Variants in SYNE3 observed in about 807,000 individuals in gnomAD.
SYNE3 encodes spectrin repeat containing nuclear envelope family member 3.
In SYNE3, 100 loss-of-function variants were observed where a neutral mutation model predicts 111.2. The observed-to-expected ratio is 0.90, with a 90% CI of 0.77 to 1.06. The LOEUF (loss-of-function observed/expected upper bound fraction) is 1.06, where lower values mean the gene tolerates loss of function less well. Ranked by LOEUF, SYNE3 falls within the 50% of genes least tolerant of loss-of-function variation. SYNE3 has a pLI of 0.00. For synonymous variants in SYNE3, 547 were observed against 533.9 expected, an observed-to-expected ratio of 1.02 and a Z score of -0.34; for missense variants, 1,160 against 1,240.3, an observed-to-expected ratio of 0.94 and a Z score of 0.97.
In SYNE3 at chr14:95,439,550, T is replaced by C. The variant is rs538448346; in HGVS notation, c.2246+62A>G. 6.2e-5 allele frequency: 98 copies of C among 1,589,340 alleles called. No individual in the cohort carries two copies. The African/African-American group carries it at 9.9e-4, about 16-fold the overall frequency. On this transcript the variant is annotated intron_variant, in intron 13 of 17. Coordinates refer to ENST00000682763, the MANE Select transcript of SYNE3 (RefSeq NM_152592.6). ...GCCCTCTGCTCCACGAGCACCTGAG[T>C]GTCCCTGAGTGAGAAGGGGCAGTGT... is the stretch of plus-strand genomic sequence containing the variant.
In SYNE3 at chr14:95,444,612, T is replaced by G; in HGVS notation, c.1649A>C (p.His550Pro). ...KSKLQSLLAQ[H>P]KDFGAAFEPL... ...CTCAAAAGCTGCTCCAAAGTCTTTG[T>G]GCTGAGCGAGCAGGCTCTGCAGAGA... The change falls in exon 10 of 18, where the codon CAC (histidine) becomes CCC (proline). Residue 550 changes from histidine (H) to proline (P), a missense_variant. His to Pro is a moderately conservative substitution (Grantham distance 77, BLOSUM62 -2). Transcript: ENST00000682763. The G allele has an allele frequency of 3.1e-6, 5 of 1,604,010 alleles. No homozygotes were observed. The highest frequency in any genetic ancestry group is 4.3e-6 in the Non-Finnish European group (5 of 1,173,902).
At chr14:95,471,212 G>A (rs760697670) in intron 2 of SYNE3, among the ~76,000 whole-genome samples, 1 of 152,128 alleles carries the variant, frequency 6.6e-6, no homozygotes, top group Non-Finnish European at 1.5e-5. Context: ...AAAATCACAG[G>A]AGCCAACAAC....
At chr14:95,488,425 G>T (rs890503707) in intron 1 of SYNE3, among the ~76,000 whole-genome samples, 3 of 152,196 alleles carry the variant, frequency 2.0e-5, no homozygotes, top group African/African-American at 7.2e-5. Flanking sequence ...CGGATGGATA[G>T]TTTCCAACAA....
At chr14:95,481,774 T>TG (rs1595245086) in intron 1 of SYNE3, among the ~76,000 whole-genome samples, 1 of 152,246 alleles carries the variant, frequency 6.6e-6, no homozygotes, top group Non-Finnish European at 1.5e-5. Context: ...AATGTCCATC[T>TG]GGACACCAGC....
intron 2 of SYNE3, among the ~76,000 whole-genome samples, chr14:95,474,875 C>A (rs1324252917): frequency 6.6e-6 from 1 of 152,158 alleles, no homozygotes; most frequent in African/African-American, 2.4e-5. Flanking sequence ...CTAAGAGCAA[C>A]CATTGTTGGG....
intron 1 of SYNE3, chr14:95,516,154 C>T (rs917775081): frequency 1.3e-5 from 2 of 152,352 alleles, no homozygotes; most frequent in African/African-American, 4.8e-5. Context: ...CTCCCAGGCA[C>T]TACTGAGCGC....
At chr14:95,433,706 T>C (rs1049781142) in intron 15 of SYNE3, among the ~76,000 whole-genome samples, 9 of 152,210 alleles carry the variant, frequency 5.9e-5, no homozygotes, top group African/African-American at 2.2e-4. Flanking sequence ...TTGACTAGAG[T>C]TCGCATCATT....
chr14:95,457,504 C>G (rs572049919), intron 4 of SYNE3, among the ~76,000 whole-genome samples, 166 bp from the exon 5 acceptor site: 2 of 152,284 alleles, frequency 1.3e-5, no homozygotes, highest in Admixed American at 1.3e-4. Flanking sequence ...CTCTCAGATA[C>G]TCTGTTCTGC....
intron 11 of SYNE3, among the ~76,000 whole-genome samples, chr14:95,440,721 G>T (rs931235773): frequency 1.3e-5 from 2 of 152,208 alleles, no homozygotes; most frequent in African/African-American, 4.8e-5. Context: ...GATAACATCA[G>T]GCAAGCCCAA....
intron 3 of SYNE3, 90 bp from the exon 4 acceptor site, chr14:95,466,330 A>G: frequency 7.0e-7 from 1 of 1,429,012 alleles, no homozygotes; most frequent in Non-Finnish European, 9.3e-7. Context: ...CCCCAATACT[A>G]GGGGGCTGTG....
At chr14:95,419,042 T>A (rs1416617360) in intron 17 of SYNE3, among the ~76,000 whole-genome samples, 1 of 152,240 alleles carries the variant, frequency 6.6e-6, no homozygotes, top group African/African-American at 2.4e-5. Flanking sequence ...AAATGCCTAA[T>A]GGACTTCTCT....
At chr14:95,478,929 C>T (rs553929742) in intron 1 of SYNE3, among the ~76,000 whole-genome samples, 1 of 152,162 alleles carries the variant, frequency 6.6e-6, no homozygotes, top group African/African-American at 2.4e-5. Context: ...TAAGTGACCC[C>T]ACCGGCACAT....
At chr14:95,437,312 C>T (rs1308990072) in intron 14 of SYNE3, among the ~76,000 whole-genome samples, 1 of 152,222 alleles carries the variant, frequency 6.6e-6, no homozygotes, top group African/African-American at 2.4e-5. Flanking sequence ...ATGATGCAAG[C>T]CCATTCAGCT....
At chr14:95,462,918 G>A (rs45606936) in intron 4 of SYNE3, among the ~76,000 whole-genome samples, 32,877 of 152,120 alleles carry the variant, frequency 0.22, 4,635 homozygotes, top group Non-Finnish European at 0.31. Context: ...CCAGCACTTC[G>A]GGAGGCCAAG....
intron 11 of SYNE3, among the ~76,000 whole-genome samples, chr14:95,440,620 G>A (rs570399575): frequency 6.6e-6 from 1 of 152,356 alleles, no homozygotes; most frequent in East Asian, 1.9e-4. Flanking sequence ...ATAACCACAT[G>A]CAATACAGCA....
intron 1 of SYNE3, among the ~76,000 whole-genome samples, chr14:95,504,099 T>G (rs950701230): frequency 1.3e-5 from 2 of 152,114 alleles, no homozygotes; most frequent in East Asian, 3.8e-4. Flanking sequence ...TTGGAAAAAA[T>G]CAAAAGAATA....
In SYNE3 at chr14:95,411,444, T is replaced by G. The variant is rs1903433153; in HGVS notation, c.*6382A>C. On this transcript the variant is annotated 3_prime_UTR_variant, in exon 18 of 18. Transcript: ENST00000682763. ...AAGAAAATGATTGATTGGCAGTAGC[T>G]TGGAGTAGTTTTGAGGACTGTGAGG... is the stretch of plus-strand genomic sequence containing the variant. 6.6e-6 allele frequency: 1 copy of G among 152,088 alleles called. No individual in the cohort carries two copies. The highest frequency in any genetic ancestry group is 2.4e-5 in the African/African-American group (1 of 41,384). 9.4% of individuals were successfully genotyped at this position (152,088 alleles called of 1,614,324 possible).
At chr14:95,494,537 G>T (rs1889999262) in intron 1 of SYNE3, among the ~76,000 whole-genome samples, 1 of 152,192 alleles carries the variant, frequency 6.6e-6, no homozygotes, top group Non-Finnish European at 1.5e-5. Flanking sequence ...TGGAGAGCAG[G>T]CTGAGGGGAC....
At chr14:95,425,953 G>A (rs892730300) in intron 17 of SYNE3, among the ~76,000 whole-genome samples, 1 of 152,120 alleles carries the variant, frequency 6.6e-6, no homozygotes, top group African/African-American at 2.4e-5. Context: ...CGTGGTCATC[G>A]ACCCCAGTGC....
Sources: allele counts gnomAD v4.1 joint callset (sites outside exome capture counted in the v4.1 genomes callset), GRCh38; gene constraint gnomAD v4.1.1; transcripts MANE v1.5; gene names NCBI Gene and HGNC (gene_info 2026-07-23, HGNC 2026-07-21).